STPG1: variants seen among roughly 807,000 people sequenced by gnomAD.
STPG1 encodes the protein O(6)-methylguanine-induced apoptosis 2.
In STPG1, 33 loss-of-function variants were observed where a neutral mutation model predicts 40.1. The ratio of observed to expected loss-of-function variants is 0.82; its 90% CI spans 0.62 to 1.10. The LOEUF is 1.10. Among genes scored for constraint, STPG1 ranks in the 50% least tolerant of loss-of-function variants. STPG1 has a pLI of 0.00. For missense variants in STPG1, 396 were observed against 415.1 expected (o/e 0.95, Z 0.40); for synonymous variants, 150 against 155.0 (o/e 0.97, Z 0.24).
intron 7 of STPG1, chr1:24,364,568 C>A (rs1557431931): frequency 1.1e-6 from 1 of 932,212 alleles, no homozygotes; most frequent in Non-Finnish European, 1.4e-6. Flanking sequence ...CTAGCCCTAT[C>A]CCGGGAACAT....
chr1:24,369,594 A>C, intron 7 of STPG1, 80 bp downstream of exon 7: 1 of 1,462,670 alleles, frequency 6.8e-7, no homozygotes, highest in South Asian at 1.3e-5. Flanking sequence ...CCAAGCAGTG[A>C]CACCCCATCC....
intron 7 of STPG1, 125 bp downstream of exon 7, chr1:24,369,549 G>T: frequency 1.0e-6 from 1 of 985,320 alleles, no homozygotes; most frequent in Non-Finnish European, 1.5e-6. Context: ...TGTGACTAAG[G>T]GCCCCTGAAG....
At chr1:24,400,245 C>A (rs1643168386) in intron 2 of STPG1, among the ~76,000 whole-genome samples, 1 of 152,102 alleles carries the variant, frequency 6.6e-6, no homozygotes, top group Non-Finnish European at 1.5e-5. Flanking sequence ...GAAACATAAG[C>A]CTGAGAGAAA....
intron 7 of STPG1, chr1:24,364,221 C>A (rs1248390232): frequency 1.3e-6 from 2 of 1,541,668 alleles, no homozygotes; most frequent in Non-Finnish European, 8.7e-7. Flanking sequence ...TGTCTCGCCA[C>A]CCCCCACCTG....
chr1:24,389,492 A>G (rs1642665403), intron 3 of STPG1, among the ~76,000 whole-genome samples: 1 of 152,072 alleles, frequency 6.6e-6, no homozygotes, highest in African/African-American at 2.4e-5. Context: ...GCAAACATTT[A>G]CTTTGAGCCT....
intron 7 of STPG1, among the ~76,000 whole-genome samples, chr1:24,368,183 C>T (rs565244828): frequency 6.6e-6 from 1 of 152,320 alleles, no homozygotes; most frequent in Admixed American, 6.5e-5. Flanking sequence ...AGAAGGGACT[C>T]CTCTGGTGGA....
In STPG1 at chr1:24,369,806, T is replaced by C; in HGVS notation, c.605A>G (p.Gln202Arg). The change falls in exon 7 of 9, where the codon CAG (glutamine) becomes CGG (arginine). Residue 202 changes from glutamine (Q) to arginine (R), a missense_variant. Coordinates refer to ENST00000337248, the MANE Select transcript of STPG1 (RefSeq NM_001199013.2). ...HYDINESLVK[Q>R]SPNTLMSCFK... ...ACAAGACATTAATGTATTTGGCGAC[T>C]GCTTCACAAGGGATTCGTTGATATC... 1 of 1,611,542 alleles carries C rather than the reference T, an allele frequency of 6.2e-7. No homozygotes were observed. Among genetic ancestry groups the C allele is most frequent in the Non-Finnish European group, 8.5e-7 (1 of 1,178,126 alleles).
At chr1:24,376,646 G>A (rs538387260) in intron 5 of STPG1, among the ~76,000 whole-genome samples, 4 of 152,258 alleles carry the variant, frequency 2.6e-5, no homozygotes, top group South Asian at 4.1e-4. Context: ...ACAGGAAGCC[G>A]GGTGAAGGAG....
chr1:24,408,215 C>T (rs907266378), intron 1 of STPG1, among the ~76,000 whole-genome samples: 12 of 152,348 alleles, frequency 7.9e-5, no homozygotes, highest in African/African-American at 2.9e-4. Context: ...ATCCCCACTA[C>T]TAAGGCATGA....
intron 3 of STPG1, among the ~76,000 whole-genome samples, chr1:24,385,646 T>C (rs1642474590): frequency 1.3e-5 from 2 of 152,204 alleles, no homozygotes; most frequent in South Asian, 4.1e-4. Context: ...AAGGCCCACA[T>C]AACTAGTAAA....
In STPG1 at chr1:24,360,995, G is replaced by C; in HGVS notation, c.784C>G (p.Pro262Ala). 1 of 1,613,590 alleles carries C rather than the reference G, an allele frequency of 6.2e-7. No homozygotes were observed. The highest frequency in any genetic ancestry group is 8.5e-7 in the Non-Finnish European group (1 of 1,179,808). Reference sequence around the variant, plus strand: ...CCAGGACCTGGGAAAGGTGGCTTCGGAGGCAGAGGCGAAGGCTGAGCAGAG... The same window carrying C: ...CCAGGACCTGGGAAAGGTGGCTTCGCAGGCAGAGGCGAAGGCTGAGCAGAG... Reference protein sequence around the residue: ...NFSAQPSPLPPKPPFPGPGQY... With the variant: ...NFSAQPSPLPAKPPFPGPGQY... Residue 262 changes from proline to alanine, a missense_variant, in exon 8 of 9, where the codon CCG becomes GCG. Pro to Ala is a conservative substitution (Grantham distance 27). Transcript: ENST00000337248.
At chr1:24,367,016 C>T (rs934246331) in intron 7 of STPG1, among the ~76,000 whole-genome samples, 3 of 152,226 alleles carry the variant, frequency 2.0e-5, no homozygotes, top group Admixed American at 6.5e-5. Context: ...GAAGCATTGA[C>T]AGAGAGCCAG....
chr1:24,372,262 G>A (rs536908951), intron 6 of STPG1, among the ~76,000 whole-genome samples: 1 of 152,264 alleles, frequency 6.6e-6, no homozygotes, highest in African/African-American at 2.4e-5. Context: ...TATCTCCTCT[G>A]CCTGTGAAGT....
chr1:24,403,005 A>C (rs1643284792), intron 1 of STPG1, among the ~76,000 whole-genome samples: 1 of 152,136 alleles, frequency 6.6e-6, no homozygotes. Flanking sequence ...TTCTTTTGTC[A>C]GATCTAAGCA....
At chr1:24,368,746 C>G (rs902373435) in intron 7 of STPG1, 33 of 152,240 alleles carry the variant, frequency 2.2e-4, no homozygotes, top group African/African-American at 7.9e-4. Context: ...ACTCTGTCAC[C>G]CAGGCTGGAG....
At chr1:24,390,602 A>T (rs371195922) in intron 3 of STPG1, among the ~76,000 whole-genome samples, 10 of 152,110 alleles carry the variant, frequency 6.6e-5, no homozygotes, top group African/African-American at 2.4e-4. Flanking sequence ...TATTTTTAGT[A>T]GAGATGGGGT....
chr1:24,372,676 T>C (rs1454560242), intron 6 of STPG1, among the ~76,000 whole-genome samples: 1 of 152,242 alleles, frequency 6.6e-6, no homozygotes, highest in East Asian at 1.9e-4. Context: ...GGTTTTGTTA[T>C]TCAGCTTCAG....
chr1:24,373,370 C>T (rs947594114), intron 6 of STPG1, among the ~76,000 whole-genome samples: 2 of 152,192 alleles, frequency 1.3e-5, no homozygotes, highest in African/African-American at 4.8e-5. Context: ...TCCCCAGTGG[C>T]CCCTAATGGC....
intron 5 of STPG1, among the ~76,000 whole-genome samples, chr1:24,374,548 T>C (rs1170010860): frequency 9.9e-5 from 15 of 151,730 alleles, no homozygotes; most frequent in Non-Finnish European, 1.3e-4. Flanking sequence ...CGTGAGCCAC[T>C]GCGCCCAGCC....
Sources: allele counts gnomAD v4.1 joint callset (sites outside exome capture counted in the v4.1 genomes callset), GRCh38; gene constraint gnomAD v4.1.1; transcripts MANE v1.5; gene names NCBI Gene and HGNC (gene_info 2026-07-23, HGNC 2026-07-21).